NRAP: variants seen among roughly 807,000 people sequenced by gnomAD.
NRAP encodes the protein nebulin-related-anchoring protein.
In NRAP, 189 loss-of-function variants were observed where a neutral mutation model predicts 225.9. The observed-to-expected ratio is 0.84, with a 90% confidence interval of 0.74 to 0.94. The LOEUF (loss-of-function observed/expected upper bound fraction) is 0.94, where lower values mean the gene tolerates loss of function less well. Ranked by LOEUF, NRAP falls within the 40% of genes least tolerant of loss-of-function variation. The pLI is 0.00. For synonymous variants in NRAP, 769 were observed against 790.7 expected (o/e 0.97, Z 0.46); for missense variants, 2,176 against 2,168.7 (o/e 1.00, Z -0.07).
At chr10:113,610,178 C>T (rs972846331) in intron 31 of NRAP, among the ~76,000 whole-genome samples, 1 of 151,676 alleles carries the variant, frequency 6.6e-6, no homozygotes, top group African/African-American at 2.4e-5. Context: ...GGTGAAACCC[C>T]ATCTCTACTA....
rs60015356 is a variant in NRAP, at chr10:113,644,147, C to CAAAAAAAAAAA, written c.1111-1120_1111-1110dup. 2.2e-3 allele frequency among the ~76,000 whole-genome samples: 107 copies of CAAAAAAAAAAA among 47,938 alleles called. 4 individuals are homozygous for CAAAAAAAAAAA. Among genetic ancestry groups the CAAAAAAAAAAA allele is most frequent in the Non-Finnish European group, 2.8e-3 (76 of 27,266 alleles). 31.4% of individuals were successfully genotyped at this position (47,938 alleles called of 152,430 possible). Reference sequence around the variant, plus strand: ...GGCCAACAAGAGTGAAACTCCCTCTCAAAAAAAAAAAAAAAAAAAAAAGGC... The same window carrying CAAAAAAAAAAA: ...GGCCAACAAGAGTGAAACTCCCTCTCAAAAAAAAAAAAAAAAAAAAAAAAAAAAAAAAAGGC... On this transcript the variant is annotated intron_variant, in intron 11 of 41. Transcript: ENST00000359988.
chr10:113,642,043 A>T (rs1260421722), intron 12 of NRAP, among the ~76,000 whole-genome samples: 2 of 152,214 alleles, frequency 1.3e-5, no homozygotes, highest in Non-Finnish European at 2.9e-5. Flanking sequence ...AAGAGGTCAT[A>T]AATAGGAAAT....
intron 4 of NRAP, among the ~76,000 whole-genome samples, chr10:113,655,987 G>A (rs189883101): frequency 1.9e-4 from 29 of 152,194 alleles, no homozygotes; most frequent in Non-Finnish European, 3.7e-4. Flanking sequence ...AAGGACATTC[G>A]AAAGTTAACC....
At chr10:113,659,549 C>A (rs1850532419) in intron 3 of NRAP, among the ~76,000 whole-genome samples, 1 of 152,150 alleles carries the variant, frequency 6.6e-6, no homozygotes, top group Non-Finnish European at 1.5e-5. Flanking sequence ...CCCCTAGGGA[C>A]CTTTCGTGAG....
Position 113,589,486 on chromosome 10 carries a change from T to A in NRAP, c.5088+180A>T, listed in dbSNP as rs1845808202. On this transcript the variant is annotated intron_variant, in intron 41 of 41. Coordinates refer to ENST00000359988, the MANE Select transcript of NRAP (RefSeq NM_198060.4). ...AGAAAGCCCTGCAGGAAGTTTAACC[T>A]GCGTGTCATCTGCCTGGTCATCTCA... 7 of 686,328 alleles carry A rather than the reference T, an allele frequency of 1.0e-5. No individual in the cohort carries two copies. The Admixed American group carries it at 2.1e-4, about 20-fold the overall frequency. The allele number at this position is 686,328 out of a possible 1,614,324, so 42.5% of individuals were successfully genotyped here. A position where few individuals can be genotyped will look rare whatever the true frequency, so the allele number is the denominator to read the frequency against.
chr10:113,633,041 G>A (rs759128053), intron 16 of NRAP, 43 bp downstream of exon 16: 69 of 993,316 alleles, frequency 6.9e-5, no homozygotes, highest in South Asian at 4.3e-4. Flanking sequence ...TTTTCACATC[G>A]CTCTATAACC....
chr10:113,600,626 C>G (rs1846543228), intron 35 of NRAP, among the ~76,000 whole-genome samples: 1 of 152,190 alleles, frequency 6.6e-6, no homozygotes, highest in South Asian at 2.1e-4. Context: ...GGTTCAGAAT[C>G]CAGCCACCTG....
chr10:113,606,192 C>T lies in NRAP; in HGVS notation c.3793G>A (p.Ala1265Thr). 1 of 1,613,394 alleles carries T rather than the reference C, an allele frequency of 6.2e-7. No individual in the cohort carries two copies. Among genetic ancestry groups the T allele is most frequent in the Non-Finnish European group, 8.5e-7 (1 of 1,179,318 alleles). ...PEFIRAKTNA[A>T]NLSDARYKES... ...AAAGGGCTTACGTCACTCAGGTTGG[C>T]TGCATTCGTTTTTGCTCGGATGAAC... Residue 1265 changes from alanine to threonine, a missense_variant, in exon 33 of 42, where the codon GCC (alanine) becomes ACC (threonine). Physicochemically the swap from Ala to Thr is moderately conservative, Grantham distance 58. Around this residue, in one of 3 missense-constraint regions of NRAP, gnomAD observed 1,708 missense variants for 1,695.5 expected, o/e 1.01. Transcript: ENST00000359988.
intron 14 of NRAP, among the ~76,000 whole-genome samples, chr10:113,635,149 A>AATTATTAGC (rs1478582362): frequency 6.6e-6 from 1 of 152,194 alleles, no homozygotes; most frequent in Non-Finnish European, 1.5e-5. Flanking sequence ...GAATATTAAG[A>AATTATTAGC]ATTATTAGCC....
Position 113,663,466 on chromosome 10 carries a change from G to A in NRAP, c.73-20C>T. The A allele has an allele frequency of 6.8e-7, 1 of 1,460,684 alleles. No homozygotes were observed. Among genetic ancestry groups the A allele is most frequent in the Non-Finnish European group, 9.6e-7 (1 of 1,041,104 alleles). 90.5% of individuals were successfully genotyped at this position (1,460,684 alleles called of 1,614,324 possible). ...CCATATCTAGAAATCATATAGAGAA[G>A]ATTTAGCAATTACCCTTTTCCCCCC... On this transcript the variant is annotated intron_variant, in intron 1 of 41. Transcript: ENST00000359988.
At chr10:113,607,959 C>T (rs1266560661) in intron 32 of NRAP, among the ~76,000 whole-genome samples, 1 of 152,204 alleles carries the variant, frequency 6.6e-6, no homozygotes, top group Non-Finnish European at 1.5e-5. Flanking sequence ...TGACAAACAT[C>T]TTACAATTTA....
At chr10:113,605,247 A>G (rs938047404) in intron 34 of NRAP, among the ~76,000 whole-genome samples, 2 of 152,220 alleles carry the variant, frequency 1.3e-5, no homozygotes, top group African/African-American at 2.4e-5. Flanking sequence ...CCCAAAAGAC[A>G]GGATCCATTT....
intron 7 of NRAP, among the ~76,000 whole-genome samples, chr10:113,651,081 T>C (rs994789795): frequency 6.6e-6 from 1 of 152,362 alleles, no homozygotes; most frequent in South Asian, 2.1e-4. Flanking sequence ...TTCTCTCAGA[T>C]AACTGAGATA....
At chr10:113,591,476 G>A (rs1359919833) in intron 39 of NRAP, among the ~76,000 whole-genome samples, 4 of 152,194 alleles carry the variant, frequency 2.6e-5, no homozygotes, top group African/African-American at 9.7e-5. Flanking sequence ...AATGAGATGA[G>A]TCCAGTGATC....
intron 19 of NRAP, 70 bp downstream of exon 19, chr10:113,629,518 T>A: frequency 1.8e-6 from 2 of 1,112,844 alleles, no homozygotes. Context: ...GTGCACAGGT[T>A]TGAAATCACT....
Position 113,595,687 on chromosome 10 carries a change from T to C in NRAP, c.4472A>G (p.Tyr1491Cys). ...RSGDAESLHRYTLIPDHPDFT... is the reference protein window; with the variant it reads ...RSGDAESLHRCTLIPDHPDFT... The stretch of plus-strand genomic sequence containing the variant: ...ATCGGGATGGTCGGGGATCAGGGTG[T>C]ATCTGTGCAGGGATTCTGCATCTCC... The change falls in exon 38 of 42, where the codon TAC becomes TGC. Residue 1491 changes from tyrosine (Y) to cysteine (C), a missense_variant. Transcript: ENST00000359988. 1 of 1,614,010 alleles carries C rather than the reference T, an allele frequency of 6.2e-7. No homozygotes were observed.
intron 14 of NRAP, among the ~76,000 whole-genome samples, chr10:113,635,544 C>T (rs1848821135): frequency 6.6e-6 from 1 of 152,268 alleles, no homozygotes. Context: ...TCTCGCGCCT[C>T]AGCCTCCCTG....
chr10:113,590,618 C>T lies in NRAP; in HGVS notation c.4916G>A (p.Gly1639Asp). The T allele has an allele frequency of 6.2e-7, 1 of 1,613,576 alleles. No homozygotes were observed. Among genetic ancestry groups the T allele is most frequent in the Non-Finnish European group, 8.5e-7 (1 of 1,180,014 alleles). Reference protein sequence around the residue: ...PQPTCDPEQLGLRHAQKAHQL... With the variant: ...PQPTCDPEQLDLRHAQKAHQL... ...GTGGGCCTTCTGAGCATGCCTGAGG[C>T]CCAGCTGCTCCGGGTCGCAGGTGGG... The change falls in exon 40 of 42, where the codon GGC becomes GAC. Residue 1639 changes from glycine to aspartate, a missense_variant. Physicochemically the swap from Gly to Asp is moderately conservative, Grantham distance 94. Around this residue, in one of 3 missense-constraint regions of NRAP, gnomAD observed 445 missense variants for 426.1 expected, o/e 1.04. Transcript: ENST00000359988.
chr10:113,621,870 T>A lies in NRAP; in HGVS notation c.2768A>T (p.Asp923Val). ...TGCACACACTCACACAGAGCTTACA[T>A]CACTCTGTAAGCCATAAGCCTTCTT... ...WAKKAYGLQS[D>V]NQYRADVKWM... is the part of the protein sequence containing the mutation. Residue 923 changes from aspartate (D) to valine (V), a missense_variant and splice_region_variant, in exon 24 of 42, where the codon GAT becomes GTT. By Grantham distance (152) the Asp-to-Val change is radical. Coordinates refer to ENST00000359988, the MANE Select transcript of NRAP (RefSeq NM_198060.4). 1 of 1,605,422 alleles carries A rather than the reference T, an allele frequency of 6.2e-7. No homozygotes were observed. The highest frequency in any genetic ancestry group is 8.5e-7 in the Non-Finnish European group (1 of 1,173,690).
Sources: gnomAD v4.1 joint callset for allele counts (sites outside exome capture counted in the v4.1 genomes callset) on GRCh38, gnomAD v4.1.1 for gene constraint, gnomAD v4.1.1 regional missense constraint, MANE v1.5 for transcripts, NCBI Gene and HGNC (gene_info 2026-07-23, HGNC 2026-07-21) for gene names.